Variants in LSMEM1 observed in about 807,000 individuals in gnomAD.
LSMEM1 encodes the protein leucine rich single-pass membrane protein 1.
Under a neutral mutation model 11.3 loss-of-function variants are expected in LSMEM1, and 10 were observed. The ratio of observed to expected loss-of-function variants is 0.89; its 90% CI spans 0.55 to 1.50. The LOEUF (loss-of-function observed/expected upper bound fraction) is 1.50. Ranked by LOEUF, LSMEM1 falls within the 40% of genes most tolerant of loss-of-function variation. The probability of loss-of-function intolerance (pLI) is 0.00; values close to 1 mark genes in which losing one functional copy is unlikely to be tolerated. For missense variants in LSMEM1, 151 were observed against 152.9 expected (o/e 0.99, Z 0.06); for synonymous variants, 65 against 59.3 (o/e 1.10, Z -0.44).
chr7:112,483,323 C>T (rs1229546184), intron 1 of LSMEM1: 1 of 152,056 alleles, frequency 6.6e-6, no homozygotes, highest in East Asian at 1.9e-4. Flanking sequence ...GGATTTTTAT[C>T]CTCAATCTTA....
intron 2 of LSMEM1, among the ~76,000 whole-genome samples, chr7:112,485,607 C>T (rs1003114369): frequency 6.6e-6 from 1 of 152,120 alleles, no homozygotes; most frequent in Non-Finnish European, 1.5e-5. Flanking sequence ...TATTTCCTGT[C>T]TAAATCCTTT....
At chr7:112,485,629 CT>C (rs1796114587) in intron 2 of LSMEM1, among the ~76,000 whole-genome samples, 1 of 152,130 alleles carries the variant, frequency 6.6e-6, no homozygotes, top group Non-Finnish European at 1.5e-5. Flanking sequence ...CAAGTTCCTC[CT>C]TTTTTTCTTC....
chr7:112,486,881 CTGAGCAGTTTTTG>C lies in LSMEM1; in HGVS notation c.128-40_128-28del, dbSNP rs767709295. 7.4e-6 allele frequency: 12 copies of C among 1,612,176 alleles called. No homozygotes were observed. The African/African-American group carries it at 1.3e-4, about 18-fold the overall frequency. On this transcript the variant is annotated intron_variant, in intron 2 of 3. Coordinates refer to ENST00000312849, the MANE Select transcript of LSMEM1 (RefSeq NM_182597.3). ...TTCAGTTCTGCTGACAAGTTGTATG[CTGAGCAGTTTTTG>C]TCCTTGTTTTTTGTTTGTTTCATAT...
intron 1 of LSMEM1, among the ~76,000 whole-genome samples, chr7:112,484,395 C>A (rs1796087918): frequency 6.6e-6 from 1 of 152,088 alleles, no homozygotes; most frequent in East Asian, 1.9e-4. Context: ...AGTCTTCTTG[C>A]ACAAAGGATT....
In LSMEM1 at chr7:112,490,179, A is replaced by T; in HGVS notation, c.*230A>T. The T allele has an allele frequency of 2.3e-6, 1 of 430,030 alleles. No homozygotes were observed. The allele number at this position is 430,030 out of a possible 1,614,324, so 26.6% of individuals were successfully genotyped here. The stretch of plus-strand genomic sequence containing the variant: ...ACTTGTCTCAGCCCCCTTTTATGGT[A>T]GGGCACTTCAACTTTAATGGGGTGG... On this transcript the variant is annotated 3_prime_UTR_variant, in exon 4 of 4. Transcript: ENST00000312849.
intron 1 of LSMEM1, among the ~76,000 whole-genome samples, chr7:112,484,527 G>T (rs1300750254): frequency 6.6e-6 from 1 of 152,222 alleles, no homozygotes; most frequent in African/African-American, 2.4e-5. Flanking sequence ...GGAGAAAAGA[G>T]TGTTTGCAGA....
At position 112,486,761 on chromosome 7, in the gene LSMEM1, G is replaced by A. The variant is rs1034733300; in HGVS notation, c.128-162G>A. On this transcript the variant is annotated intron_variant, in intron 2 of 3. Coordinates refer to ENST00000312849, the MANE Select transcript of LSMEM1 (RefSeq NM_182597.3). Reference sequence around the variant, plus strand: ...ACTGCACTCCAGCCTGGTTGACAGAGCAAGACTCTGTCTCAAAAAAAAAGA... The same window carrying A: ...ACTGCACTCCAGCCTGGTTGACAGAACAAGACTCTGTCTCAAAAAAAAAGA... The A allele has an allele frequency of 4.6e-5, 44 of 958,724 alleles. No homozygotes were observed. In the African/African-American group the frequency reaches 6.5e-4, roughly 14 times the overall value. The allele number at this position is 958,724 out of a possible 1,614,324, so 59.4% of individuals were successfully genotyped here. A position where few individuals can be genotyped will look rare whatever the true frequency, so the allele number is the denominator to read the frequency against.
chr7:112,484,823 C>T lies in LSMEM1; in HGVS notation c.7C>T (p.His3Tyr). The change falls in exon 2 of 4, where the codon CAT (histidine) becomes TAT (tyrosine). Residue 3 changes from histidine to tyrosine, a missense_variant. His to Tyr is a moderately conservative substitution (Grantham distance 83). Transcript: ENST00000312849. ...GTGTTTTCTTCCAGGGACAATGACT[C>T]ATTCTTCCCAGGACACTGGTTCTTG... MT[H>Y]SSQDTGSCGI... 6.2e-7 allele frequency: 1 copy of T among 1,613,332 alleles called. No individual in the cohort carries two copies. The highest frequency in any genetic ancestry group is 8.5e-7 in the Non-Finnish European group (1 of 1,179,520).
chr7:112,487,668 T>C (rs1472385747), intron 3 of LSMEM1, among the ~76,000 whole-genome samples: 1 of 152,266 alleles, frequency 6.6e-6, no homozygotes, highest in Non-Finnish European at 1.5e-5. Context: ...CCACCTCAGC[T>C]TCTCAGTCAA....
Position 112,490,322 on chromosome 7 carries a change from C to A in LSMEM1, c.*373C>A. 5.6e-6 allele frequency: 1 copy of A among 178,980 alleles called. No homozygotes were observed. Among genetic ancestry groups the A allele is most frequent in the Non-Finnish European group, 1.2e-5 (1 of 84,892 alleles). The allele number at this position is 178,980 out of a possible 1,614,324, so 11.1% of individuals were successfully genotyped here. On this transcript the variant is annotated 3_prime_UTR_variant, in exon 4 of 4. Transcript: ENST00000312849. ...CACTGTGTCAATGAAGTTCATGACA[C>A]CTCATGCACCTTTACAGATATCTGG... is the stretch of plus-strand genomic sequence containing the variant.
rs935458082 is a variant in LSMEM1 at position 112,490,394 on chromosome 7, G to A, written c.*445G>A. 6.5e-6 allele frequency: 1 copy of A among 154,194 alleles called. No individual in the cohort carries two copies. The highest frequency in any genetic ancestry group is 2.4e-5 in the African/African-American group (1 of 41,578). The allele number at this position is 154,194 out of a possible 1,614,324, so 9.6% of individuals were successfully genotyped here. On this transcript the variant is annotated 3_prime_UTR_variant, in exon 4 of 4. Coordinates refer to ENST00000312849, the MANE Select transcript of LSMEM1 (RefSeq NM_182597.3). ...AGTTTTATGTATTGAAGGGAACCAG[G>A]TGATTACTCTTTTCAATAAGAGGGA...
At chr7:112,482,882 G>A (rs190706776) in intron 1 of LSMEM1, among the ~76,000 whole-genome samples, 1 of 151,424 alleles carries the variant, frequency 6.6e-6, no homozygotes, top group African/African-American at 2.4e-5. Flanking sequence ...AAAACTCAGG[G>A]AATTGTTTGT....
intron 2 of LSMEM1, among the ~76,000 whole-genome samples, chr7:112,485,784 A>T (rs952747484): frequency 6.6e-6 from 1 of 152,002 alleles, no homozygotes; most frequent in Non-Finnish European, 1.5e-5. Context: ...CTTATAAGGC[A>T]TGGGACATAA....
At chr7:112,488,119 G>T (rs1796171827) in intron 3 of LSMEM1, among the ~76,000 whole-genome samples, 1 of 152,166 alleles carries the variant, frequency 6.6e-6, no homozygotes, top group African/African-American at 2.4e-5. Context: ...AGCCTCTGGA[G>T]AAAAGGGTTG....
Position 112,490,748 on chromosome 7 carries a change from A to C in LSMEM1, c.*799A>C, listed in dbSNP as rs1796220881. On this transcript the variant is annotated 3_prime_UTR_variant, in exon 4 of 4. Transcript: ENST00000312849. ...TGCTGATTGATTTGGAAGAAATCTG[A>C]TAGATTTGTGGCCTTTCCTAAATTG... 6.6e-6 allele frequency: 1 copy of C among 152,218 alleles called. No homozygotes were observed. The highest frequency in any genetic ancestry group is 2.4e-5 in the African/African-American group (1 of 41,452). 9.4% of individuals were successfully genotyped at this position (152,218 alleles called of 1,614,324 possible). A position where few individuals can be genotyped will look rare whatever the true frequency, so the allele number is the denominator to read the frequency against.
In LSMEM1 at chr7:112,489,972, C is replaced by T; in HGVS notation, c.*23C>T. The T allele has an allele frequency of 1.9e-6, 3 of 1,604,778 alleles. No individual in the cohort carries two copies. Among genetic ancestry groups the T allele is most frequent in the East Asian group, 4.5e-5 (2 of 44,826 alleles). Reference sequence around the variant, plus strand: ...TAAAGGAATGATTTTCTGAAAGCACCTGCTAACACCTTGAGCTTTTTACTT... The same window carrying T: ...TAAAGGAATGATTTTCTGAAAGCACTTGCTAACACCTTGAGCTTTTTACTT... On this transcript the variant is annotated 3_prime_UTR_variant, in exon 4 of 4. Transcript: ENST00000312849.
intron 3 of LSMEM1, among the ~76,000 whole-genome samples, chr7:112,487,316 G>A (rs1041789950): frequency 5.3e-5 from 8 of 152,172 alleles, no homozygotes; most frequent in African/African-American, 1.9e-4. Context: ...TTCTCACTTG[G>A]AGCCTCTAGC....
intron 3 of LSMEM1, 92 bp from the exon 4 acceptor site, chr7:112,489,718 C>T (rs915497516): frequency 8.0e-5 from 113 of 1,417,458 alleles, no homozygotes; most frequent in Middle Eastern, 4.5e-4. Context: ...GAGTGTCTTT[C>T]AGCATCAGCT....
chr7:112,485,663 A>G (rs1436972560), intron 2 of LSMEM1, among the ~76,000 whole-genome samples: 1 of 151,680 alleles, frequency 6.6e-6, no homozygotes, highest in Non-Finnish European at 1.5e-5. Flanking sequence ...TCAAATTTTC[A>G]TCTGTTTTTA....
Sources: allele counts gnomAD v4.1 joint callset (sites outside exome capture counted in the v4.1 genomes callset), GRCh38; gene constraint gnomAD v4.1.1; transcripts MANE v1.5; gene names NCBI Gene and HGNC (gene_info 2026-07-23, HGNC 2026-07-21).